The following CNTN5 variants were observed in gnomAD, a reference collection of about 807,000 sequenced individuals.
CNTN5 encodes contactin 5, also known as contactin-5.
In CNTN5, 77 loss-of-function variants were observed where a neutral mutation model predicts 129.1. The observed-to-expected ratio is 0.60, with a 90% CI of 0.50 to 0.72. The LOEUF (loss-of-function observed/expected upper bound fraction) is 0.72, where lower values mean the gene tolerates loss of function less well. Ranked by LOEUF, CNTN5 falls within the 30% of genes least tolerant of loss-of-function variation. The pLI is 0.00. For synonymous variants in CNTN5, 509 were observed against 465.6 expected, an observed-to-expected ratio of 1.09 and a Z score of -1.20; for missense variants, 1,478 against 1,328.8, an observed-to-expected ratio of 1.11 and a Z score of -1.75.
intron 1 of CNTN5, among the ~76,000 whole-genome samples, chr11:99,322,577 T>C (rs1484903650): frequency 6.6e-6 from 1 of 152,154 alleles, no homozygotes; most frequent in East Asian, 1.9e-4. Context: ...AATTTAAGGT[T>C]TAATTACAAG....
At chr11:99,438,265 A>C (rs1052326967) in intron 2 of CNTN5, among the ~76,000 whole-genome samples, 3 of 152,178 alleles carry the variant, frequency 2.0e-5, no homozygotes, top group Non-Finnish European at 2.9e-5. Flanking sequence ...TTTTTAAAAT[A>C]AAGATTTTTG....
intron 2 of CNTN5, among the ~76,000 whole-genome samples, chr11:99,348,690 G>A (rs1336836548): frequency 2.0e-5 from 3 of 152,070 alleles, no homozygotes; most frequent in Non-Finnish European, 2.9e-5. Flanking sequence ...ATAATCTTAA[G>A]TTTCTTAATT....
chr11:99,438,351 A>T (rs1452860853), intron 2 of CNTN5, among the ~76,000 whole-genome samples: 1 of 152,152 alleles, frequency 6.6e-6, no homozygotes, highest in African/African-American at 2.4e-5. Flanking sequence ...ACCAGCCAAG[A>T]TGTTCAAGTG....
chr11:100,091,110 G>A (rs937906109), intron 13 of CNTN5, among the ~76,000 whole-genome samples: 17 of 152,028 alleles, frequency 1.1e-4, no homozygotes, highest in African/African-American at 3.1e-4. Flanking sequence ...TCCCATTCCC[G>A]CATTTCTTCA....
At chr11:99,964,471 C>T (rs999541073) in intron 8 of CNTN5, among the ~76,000 whole-genome samples, 17 of 152,164 alleles carry the variant, frequency 1.1e-4, no homozygotes, top group South Asian at 4.1e-4. Flanking sequence ...TATTGATTTG[C>T]GTATATTGAA....
chr11:99,250,799 C>G (rs1190463505), intron 1 of CNTN5, among the ~76,000 whole-genome samples: 1 of 151,826 alleles, frequency 6.6e-6, no homozygotes, highest in Non-Finnish European at 1.5e-5. Flanking sequence ...ATTTACAAGT[C>G]ACTTATTCTC....
chr11:99,169,402 T>C (rs10892840), intron 1 of CNTN5, among the ~76,000 whole-genome samples: 65,165 of 150,474 alleles, frequency 0.43, 14,910 homozygotes, highest in East Asian at 0.8. Flanking sequence ...GTATTTAGTA[T>C]AGATAATTTT....
At chr11:99,190,660 G>A (rs974199283) in intron 1 of CNTN5, among the ~76,000 whole-genome samples, 18 of 151,382 alleles carry the variant, frequency 1.2e-4, no homozygotes, top group African/African-American at 4.1e-4. Flanking sequence ...TTGTAAATGG[G>A]ATTGTTTTCT....
intron 1 of CNTN5, among the ~76,000 whole-genome samples, chr11:99,048,070 A>G (rs887644222): frequency 1.3e-5 from 2 of 151,982 alleles, no homozygotes; most frequent in Non-Finnish European, 2.9e-5. Flanking sequence ...AGACGTATAT[A>G]CTCTAAAGCT....
intron 3 of CNTN5, among the ~76,000 whole-genome samples, chr11:99,780,857 T>A (rs561639128): frequency 2.0e-5 from 3 of 152,138 alleles, no homozygotes; most frequent in African/African-American, 7.2e-5. Context: ...TGTGTTAAGA[T>A]CACAGTGGGA....
intron 1 of CNTN5, among the ~76,000 whole-genome samples, chr11:99,196,168 A>T (rs1858891103): frequency 6.6e-6 from 1 of 151,878 alleles, no homozygotes; most frequent in Non-Finnish European, 1.5e-5. Flanking sequence ...AAAAAAAAAA[A>T]TAGTGTGTTT....
At chr11:99,529,094 C>T (rs1291617818) in intron 2 of CNTN5, among the ~76,000 whole-genome samples, 1 of 149,464 alleles carries the variant, frequency 6.7e-6, no homozygotes, top group South Asian at 2.2e-4. Context: ...AACAAACAAA[C>T]AAAACCACAA....
Position 99,193,661 on chromosome 11 carries a change from G to A in CNTN5, c.-209-131685G>A, listed in dbSNP as rs74789376. Among the ~76,000 whole-genome samples the A allele has an allele frequency of 7.2e-3, 1,092 of 152,190 alleles. 10 individuals are homozygous for A. Among genetic ancestry groups the A allele is most frequent in the African/African-American group, 0.024 (1,014 of 41,524 alleles). On this transcript the variant is annotated intron_variant, in intron 1 of 24. Coordinates refer to ENST00000524871, the MANE Select transcript of CNTN5 (RefSeq NM_014361.4). The stretch of plus-strand genomic sequence containing the variant: ...CTATACACAGGTATTGGGACTTTTC[G>A]CACTCATTTACAATGCTCAAATCCT...
At chr11:100,162,234 A>T (rs1327593631) in intron 13 of CNTN5, among the ~76,000 whole-genome samples, 1 of 151,862 alleles carries the variant, frequency 6.6e-6, no homozygotes, top group Non-Finnish European at 1.5e-5. Flanking sequence ...ACTTAGAATA[A>T]TGCCTGACAC....
intron 2 of CNTN5, among the ~76,000 whole-genome samples, chr11:99,513,412 C>A (rs1441847054): frequency 6.6e-6 from 1 of 152,132 alleles, no homozygotes; most frequent in Admixed American, 6.6e-5. Flanking sequence ...CACTAAACAA[C>A]AGATTTTTGA....
At chr11:99,617,101 A>G (rs1950785745) in intron 3 of CNTN5, among the ~76,000 whole-genome samples, 1 of 151,930 alleles carries the variant, frequency 6.6e-6, no homozygotes, top group Non-Finnish European at 1.5e-5. Context: ...ACAGAGTGAG[A>G]CTCCATCTCA....
chr11:99,046,959 A>C (rs1372411225), intron 1 of CNTN5, among the ~76,000 whole-genome samples: 2 of 152,034 alleles, frequency 1.3e-5, no homozygotes, highest in Admixed American at 1.3e-4. Flanking sequence ...TGAATTAGGA[A>C]AAAGAAACAT....
chr11:99,122,306 C>A (rs1858382655), intron 1 of CNTN5, among the ~76,000 whole-genome samples: 1 of 152,004 alleles, frequency 6.6e-6, no homozygotes, highest in South Asian at 2.1e-4. Flanking sequence ...GCATATAAAA[C>A]CATTCAATGA....
intron 3 of CNTN5, among the ~76,000 whole-genome samples, chr11:99,790,721 G>C (rs904104503): frequency 1.3e-5 from 2 of 152,046 alleles, no homozygotes; most frequent in Non-Finnish European, 2.9e-5. Context: ...TGGTAATTCT[G>C]CTTTGAGTTC....
Sources: allele counts gnomAD v4.1 joint callset (sites outside exome capture counted in the v4.1 genomes callset), GRCh38; gene constraint gnomAD v4.1.1; transcripts MANE v1.5; gene names NCBI Gene and HGNC (gene_info 2026-07-23, HGNC 2026-07-21).